Variants in ICE2 observed in about 807,000 individuals in gnomAD.
The protein encoded by ICE2 is little elongation complex subunit 2.
A neutral mutation model predicts 105.4 loss-of-function variants in ICE2; 87 were observed. That is an observed-to-expected ratio of 0.83 (90% confidence interval 0.69 to 0.99). The LOEUF (loss-of-function observed/expected upper bound fraction) is 0.99, where lower values mean the gene tolerates loss of function less well. Among genes scored for constraint, ICE2 ranks in the 50% least tolerant of loss-of-function variants. The pLI, the probability that ICE2 is intolerant of heterozygous loss-of-function variation, is 0.00. For synonymous variants in ICE2, 399 were observed against 392.0 expected (o/e 1.02, Z -0.21); for missense variants, 1,323 against 1,146.7 (o/e 1.15, Z -2.22).
At position 60,468,167 on chromosome 15, in the gene ICE2, G is replaced by T; in HGVS notation, c.302C>A (p.Ser101Ter). 1.2e-6 allele frequency: 2 copies of T among 1,614,012 alleles called. No individual in the cohort carries two copies. Among genetic ancestry groups the T allele is most frequent in the African/African-American group, 1.3e-5 (1 of 75,030 alleles). ...CACATAACTCCTCTGCTCTCTCTGT[G>T]AGAAACGAGAGAAACGAGGATAAGG... ...RVPYPRFSRF[S>*]QREQRSYVDL... The change falls in exon 4 of 16, where the codon TCA becomes TAA. Residue 101 changes from serine (S) to a stop codon, truncating the protein, a stop_gained. Transcript: ENST00000261520. LOFTEE classifies it high-confidence loss of function.
In ICE2 at chr15:60,423,698, C is replaced by G. The variant is rs550831523; in HGVS notation, c.2885G>C (p.Ser962Thr). 13 of 1,604,058 alleles carry G rather than the reference C, an allele frequency of 8.1e-6. No homozygotes were observed. The highest frequency in any genetic ancestry group is 1.0e-5 in the Non-Finnish European group (12 of 1,177,638). Reference sequence around the variant, plus strand: ...TTCAACTTGCTGAGCAGGCAAGCAACTGCTTTTGGTTTCCATGGAAACTGG... The same window carrying G: ...TTCAACTTGCTGAGCAGGCAAGCAAGTGCTTTTGGTTTCCATGGAAACTGG... ...RNPVSMETKS[S>T]CLPAQQVETE... is the part of the protein sequence containing the mutation. The change falls in exon 16 of 16, where the codon AGT (serine) becomes ACT (threonine). Residue 962 changes from serine (S) to threonine (T), a missense_variant. Ser to Thr is a moderately conservative substitution (Grantham distance 58). Transcript: ENST00000261520.
At chr15:60,461,694 A>T (rs1205917706) in intron 5 of ICE2, among the ~76,000 whole-genome samples, 2 of 152,200 alleles carry the variant, frequency 1.3e-5, no homozygotes, top group Non-Finnish European at 2.9e-5. Flanking sequence ...CAAATGAGAC[A>T]TATGAGGTAT....
At chr15:60,425,993 T>C (rs560057546) in intron 15 of ICE2, among the ~76,000 whole-genome samples, 1 of 152,324 alleles carries the variant, frequency 6.6e-6, no homozygotes, top group African/African-American at 2.4e-5. Context: ...TATCTAATTG[T>C]CCACTGTACC....
chr15:60,471,938 A>AT (rs916771180), intron 3 of ICE2, among the ~76,000 whole-genome samples: 14 of 151,932 alleles, frequency 9.2e-5, no homozygotes, highest in Admixed American at 8.5e-4. Context: ...AGTTTGATTT[A>AT]TTTTCCTAAG....
chr15:60,458,958 G>C (rs1054992870), intron 5 of ICE2, among the ~76,000 whole-genome samples: 1 of 152,192 alleles, frequency 6.6e-6, no homozygotes, highest in Non-Finnish European at 1.5e-5. Flanking sequence ...CTGAGGGGAA[G>C]AGGAAACAGG....
intron 3 of ICE2, among the ~76,000 whole-genome samples, chr15:60,470,859 T>C (rs763052581): frequency 9.9e-5 from 15 of 152,254 alleles, no homozygotes; most frequent in Middle Eastern, 3.4e-3. Flanking sequence ...TCTATTAATT[T>C]CATTTTAAGC....
rs148954000 is a variant in ICE2 at position 60,449,484 on chromosome 15, C to T, written c.1483G>A (p.Val495Ile). Residue 495 changes from valine (V) to isoleucine (I), a missense_variant, in exon 10 of 16, where the codon GTA becomes ATA. Val to Ile is a conservative substitution (Grantham distance 29). Coordinates refer to ENST00000261520, the MANE Select transcript of ICE2 (RefSeq NM_024611.6). ...ATCAAAGGCTTGTCAGAATTTGATA[C>T]CTTTTCACATGATTCAAATCCCTGA... ...DDQGFESCEK[V>I]SNSDKPLIQD... The T allele has an allele frequency of 6.2e-7, 1 of 1,614,146 alleles. No homozygotes were observed. Among genetic ancestry groups the T allele is most frequent in the African/African-American group, 1.3e-5 (1 of 75,058 alleles).
chr15:60,470,429 G>A (rs1034650737), intron 3 of ICE2, among the ~76,000 whole-genome samples: 3 of 152,128 alleles, frequency 2.0e-5, no homozygotes, highest in African/African-American at 7.2e-5. Flanking sequence ...CTGGAAGCCT[G>A]TAGGTGTATT....
At chr15:60,460,156 G>A (rs1379084623) in intron 5 of ICE2, among the ~76,000 whole-genome samples, 2 of 152,038 alleles carry the variant, frequency 1.3e-5, no homozygotes, top group African/African-American at 4.8e-5. Context: ...TATGGTTTTG[G>A]CATCAAGACA....
chr15:60,444,613 G>T (rs2141043909), intron 11 of ICE2, among the ~76,000 whole-genome samples: 1 of 152,202 alleles, frequency 6.6e-6, no homozygotes, highest in Non-Finnish European at 1.5e-5. Context: ...AAGTTCCTGG[G>T]TATGGATTTC....
At chr15:60,468,385 T>G in intron 3 of ICE2, 63 bp from the exon 4 acceptor site, 1 of 1,271,660 alleles carries the variant, frequency 7.9e-7, no homozygotes, top group Non-Finnish European at 1.1e-6. Context: ...ATCATGGAAC[T>G]TCATGATTCT....
rs927104413 is a variant in ICE2 at position 60,422,449 on chromosome 15, A to T, written c.*1185T>A. 1 of 152,096 alleles carries T rather than the reference A, an allele frequency of 6.6e-6. No individual in the cohort carries two copies. The highest frequency in any genetic ancestry group is 1.5e-5 in the Non-Finnish European group (1 of 68,058). 9.4% of individuals were successfully genotyped at this position (152,096 alleles called of 1,614,324 possible). A position where few individuals can be genotyped will look rare whatever the true frequency, so the allele number is the denominator to read the frequency against. On this transcript the variant is annotated 3_prime_UTR_variant, in exon 16 of 16. Coordinates refer to ENST00000261520, the MANE Select transcript of ICE2 (RefSeq NM_024611.6). The stretch of plus-strand genomic sequence containing the variant: ...CCCTGTCTGTAGTTTCTTAAGTCCA[A>T]ATTTGCTACAGCAACATCAGTTGAT...
Position 60,449,270 on chromosome 15 carries a change from G to C in ICE2, c.1697C>G (p.Thr566Arg), listed in dbSNP as rs374083960. The change falls in exon 10 of 16, where the codon ACA (threonine) becomes AGA (arginine). Residue 566 changes from threonine (T) to arginine (R), a missense_variant. Physicochemically the swap from Thr to Arg is moderately conservative, Grantham distance 71. Coordinates refer to ENST00000261520, the MANE Select transcript of ICE2 (RefSeq NM_024611.6). ...ATCTGTATCACTGCTGCAGAGAACT[G>C]TATCTTCAGTTTTTGCTGCTTCTGA... The part of the protein sequence containing the change: ...VGSEAAKTED[T>R]VLCSSDTDEE... 3 of 1,613,198 alleles carry C rather than the reference G, an allele frequency of 1.9e-6. No individual in the cohort carries two copies. Among genetic ancestry groups the C allele is most frequent in the African/African-American group, 1.3e-5 (1 of 74,874 alleles).
chr15:60,462,380 T>C (rs2064303132), intron 5 of ICE2, among the ~76,000 whole-genome samples: 1 of 152,204 alleles, frequency 6.6e-6, no homozygotes, highest in Non-Finnish European at 1.5e-5. Context: ...ATGTATTGTG[T>C]TCTTGAAAAC....
At chr15:60,448,260 T>C (rs1438699614) in intron 10 of ICE2, 115 bp from the exon 11 acceptor site, 4 of 686,656 alleles carry the variant, frequency 5.8e-6, no homozygotes, top group African/African-American at 1.8e-5. Flanking sequence ...ATTTTCTACT[T>C]CTCTGCCTAA....
At chr15:60,438,454 T>C (rs1337948114) in intron 12 of ICE2, 1 of 152,202 alleles carries the variant, frequency 6.6e-6, no homozygotes, top group Non-Finnish European at 1.5e-5. Flanking sequence ...AATTCATTTG[T>C]ACCCATACCT....
intron 14 of ICE2, among the ~76,000 whole-genome samples, chr15:60,429,924 C>A (rs1409672107): frequency 6.6e-6 from 1 of 151,964 alleles, no homozygotes; most frequent in African/African-American, 2.4e-5. Context: ...ATATTTAATT[C>A]ATGGAGAATG....
At chr15:60,459,799 A>C (rs2064223357) in intron 5 of ICE2, among the ~76,000 whole-genome samples, 1 of 152,166 alleles carries the variant, frequency 6.6e-6, no homozygotes, top group Non-Finnish European at 1.5e-5. Context: ...TTCAAGAGTA[A>C]CCACTAAGAG....
At chr15:60,424,292 A>C (rs148955640) in intron 15 of ICE2, among the ~76,000 whole-genome samples, 1,618 of 152,206 alleles carry the variant, frequency 0.011, 31 homozygotes, top group African/African-American at 0.038. Flanking sequence ...TAAAAAAAAA[A>C]CAGTAAAAGT....
Sources: allele counts gnomAD v4.1 joint callset (sites outside exome capture counted in the v4.1 genomes callset), GRCh38; gene constraint gnomAD v4.1.1; transcripts MANE v1.5; gene names NCBI Gene and HGNC (gene_info 2026-07-23, HGNC 2026-07-21).